NEMP2: variants seen among roughly 807,000 people sequenced by gnomAD.
The protein encoded by NEMP2 is UPF0571 transmembrane protein.
In NEMP2, 53 loss-of-function variants were observed where a neutral mutation model predicts 54.2. That is an observed-to-expected ratio of 0.98 (90% CI 0.78 to 1.23). NEMP2 has a LOEUF of 1.23. Among genes scored for constraint, NEMP2 ranks in the 50% most tolerant of loss-of-function variants. NEMP2 has a pLI of 0.00. For missense variants in NEMP2, 455 were observed against 511.3 expected (o/e 0.89, Z 1.06); for synonymous variants, 197 against 190.3 (o/e 1.04, Z -0.29).
the NEMP2 span, among the ~76,000 whole-genome samples, chr2:190,446,427 G>A: frequency 6.6e-6 from 1 of 152,158 alleles, no homozygotes; most frequent in African/African-American, 2.4e-5. Flanking sequence ...AAATCCTATA[G>A]TTCCAACTGC....
At position 190,520,774 on chromosome 2, in the gene NEMP2, T is replaced by C. The variant is rs1690727508; in HGVS notation, c.214-1591A>G. ...ACCAGACTGCAGCCCCTCCATACAT[T>C]GTGTTTCATTCATCTCACTGTGTGA... On this transcript the variant is annotated intron_variant, in intron 2 of 8. Transcript: ENST00000409150. The surrounding 1 kb of genome is among the most constrained non-coding windows in gnomAD (Gnocchi z 5.4). Among the ~76,000 whole-genome samples the C allele has an allele frequency of 6.6e-6, 1 of 152,108 alleles. No homozygotes were observed. Among genetic ancestry groups the C allele is most frequent in the Non-Finnish European group, 1.5e-5 (1 of 68,012 alleles).
chr2:190,628,088 CT>C, the NEMP2 span: 1 of 152,304 alleles, frequency 6.6e-6, no homozygotes, highest in African/African-American at 2.4e-5. This position sits in a 1 kb window ranked among gnomAD's most constrained non-coding sequence, Gnocchi z 4.1. Flanking sequence ...TGTCGTGCCT[CT>C]TTGTGTTCCT....
At chr2:190,584,939 G>GAAAGAAAGAAAGAAAGAAAGAAAGAAAA in the NEMP2 span, among the ~76,000 whole-genome samples, 5 of 145,918 alleles carry the variant, frequency 3.4e-5, no homozygotes, top group African/African-American at 1.3e-4. This position sits in a 1 kb window ranked among gnomAD's most constrained non-coding sequence, Gnocchi z 4.2. Context: ...AAGAAAGAAA[G>GAAAGAAAGAAAGAAAGAAAGAAAGAAAA]AAAGAAAGAA....
rs547284198 is a variant in NEMP2, at chr2:190,534,549, C to A, written c.97+10G>T. ...GCACGCGCGCGCCGCCGCCGCCGGT[C>A]CCGGGTTACCTGATAACGCTGCCGC... On this transcript the variant is annotated intron_variant, in intron 1 of 8. Coordinates refer to ENST00000409150, the MANE Select transcript of NEMP2 (RefSeq NM_001142645.2). 2.1e-6 allele frequency: 3 copies of A among 1,396,344 alleles called. No individual in the cohort carries two copies. Among genetic ancestry groups the A allele is most frequent in the Non-Finnish European group, 2.8e-6 (3 of 1,079,652 alleles). 86.5% of individuals were successfully genotyped at this position (1,396,344 alleles called of 1,614,324 possible).
chr2:190,443,628 G>A, the NEMP2 span, among the ~76,000 whole-genome samples: 1 of 152,156 alleles, frequency 6.6e-6, no homozygotes, highest in Non-Finnish European at 1.5e-5. The surrounding 1 kb of genome is among the most constrained non-coding windows in gnomAD (Gnocchi z 4.2). Context: ...TAGTCAAATT[G>A]AAATTTTTCT....
chr2:190,433,430 G>T, the NEMP2 span: 1 of 152,148 alleles, frequency 6.6e-6, no homozygotes, highest in South Asian at 2.1e-4. This position sits in a 1 kb window ranked among gnomAD's most constrained non-coding sequence, Gnocchi z 4.5. Flanking sequence ...TAGCTAAGCA[G>T]CAAAAGATTG....
chr2:190,534,307 C>T, intron 1 of NEMP2: 1 of 1,180,302 alleles, frequency 8.5e-7, no homozygotes, highest in Non-Finnish European at 1.0e-6. Context: ...GGGAATTGGG[C>T]GACTGGATCG....
the NEMP2 span, among the ~76,000 whole-genome samples, chr2:190,597,642 G>A: frequency 6.6e-6 from 1 of 152,156 alleles, no homozygotes; most frequent in Admixed American, 6.5e-5. The surrounding 1 kb of genome is among the most constrained non-coding windows in gnomAD (Gnocchi z 4.7). Flanking sequence ...AACTGATGGA[G>A]GTGCCCAACA....
Position 190,510,027 on chromosome 2 carries a change from C to A in NEMP2, c.1130+334G>T, listed in dbSNP as rs1197005141. Among the ~76,000 whole-genome samples the A allele has an allele frequency of 6.6e-6, 1 of 152,204 alleles. No homozygotes were observed. Among genetic ancestry groups the A allele is most frequent in the East Asian group, 1.9e-4 (1 of 5,188 alleles). On this transcript the variant is annotated intron_variant, in intron 8 of 8. Coordinates refer to ENST00000409150, the MANE Select transcript of NEMP2 (RefSeq NM_001142645.2). This position sits in a 1 kb window ranked among gnomAD's most constrained non-coding sequence, Gnocchi z 5.7. ...TTGCACTCCAGCCTGGGTGACAGAG[C>A]AAGACTCCATCTAAAACAAAACAAA...
intron 1 of NEMP2, 88 bp downstream of exon 1, chr2:190,534,471 C>G (rs1051321106): frequency 7.8e-7 from 1 of 1,274,472 alleles, no homozygotes; most frequent in Non-Finnish European, 9.9e-7. Flanking sequence ...CGCGGTGCCG[C>G]CCGGGCCAAA....
chr2:190,436,899 G>A, the NEMP2 span: 5 of 1,614,124 alleles, frequency 3.1e-6, no homozygotes, highest in South Asian at 1.1e-5. The surrounding 1 kb of genome is among the most constrained non-coding windows in gnomAD (Gnocchi z 5.3). Flanking sequence ...TATTCTTGGT[G>A]ATCTTGGTAG....
At chr2:190,534,524 G>A in intron 1 of NEMP2, 35 bp downstream of exon 1, 2 of 1,374,316 alleles carry the variant, frequency 1.5e-6, no homozygotes, top group East Asian at 3.1e-5. Flanking sequence ...GAGCGAGCAC[G>A]CACGCGCGCG....
At chr2:190,434,187 A>C in the NEMP2 span, among the ~76,000 whole-genome samples, 1 of 151,338 alleles carries the variant, frequency 6.6e-6, no homozygotes, top group Non-Finnish European at 1.5e-5. The surrounding 1 kb of genome is among the most constrained non-coding windows in gnomAD (Gnocchi z 4.3). Context: ...TCTCTCAAAA[A>C]AAAAAAAAGA....
chr2:190,567,129 T>C, the NEMP2 span, among the ~76,000 whole-genome samples: 2 of 152,016 alleles, frequency 1.3e-5, no homozygotes, highest in African/African-American at 4.8e-5. This position sits in a 1 kb window ranked among gnomAD's most constrained non-coding sequence, Gnocchi z 4.0. Flanking sequence ...AAAAGCAGAA[T>C]GCGATGATAA....
At chr2:190,575,319 T>G in the NEMP2 span, among the ~76,000 whole-genome samples, 1 of 133,690 alleles carries the variant, frequency 7.5e-6, no homozygotes, top group East Asian at 2.0e-4. Flanking sequence ...TATAATAGAC[T>G]ATTTTTTTCT....
the NEMP2 span, among the ~76,000 whole-genome samples, chr2:190,494,354 T>TA: frequency 6.6e-6 from 1 of 151,810 alleles, no homozygotes; most frequent in South Asian, 2.1e-4. This position sits in a 1 kb window ranked among gnomAD's most constrained non-coding sequence, Gnocchi z 5.7. Context: ...GAATCAGTAA[T>TA]AAAAAAATTG....
the NEMP2 span, among the ~76,000 whole-genome samples, chr2:190,422,593 T>C: frequency 6.6e-6 from 1 of 152,212 alleles, no homozygotes; most frequent in Admixed American, 6.5e-5. Context: ...TTCCTGATGC[T>C]TATTATGTGA....
chr2:190,552,538 T>C, the NEMP2 span, among the ~76,000 whole-genome samples: 2 of 152,064 alleles, frequency 1.3e-5, no homozygotes, highest in Non-Finnish European at 2.9e-5. Context: ...CTGGGTAACA[T>C]ACCAAGACCC....
the NEMP2 span, among the ~76,000 whole-genome samples, chr2:190,431,476 G>T: frequency 6.6e-6 from 1 of 152,242 alleles, no homozygotes; most frequent in African/African-American, 2.4e-5. The surrounding 1 kb of genome is among the most constrained non-coding windows in gnomAD (Gnocchi z 4.4). Context: ...GCCGAGGCTG[G>T]CGGATCACTC....
Sources: allele counts gnomAD v4.1 joint callset (sites outside exome capture counted in the v4.1 genomes callset), GRCh38; gene constraint gnomAD v4.1.1; non-coding constraint Gnocchi (gnomAD v3.1); transcripts MANE v1.5; gene names NCBI Gene and HGNC (gene_info 2026-07-23, HGNC 2026-07-21).